HR: variants seen among roughly 807,000 people sequenced by gnomAD.
HR encodes the protein lysine-specific demethylase hairless.
In HR, 83 loss-of-function variants were observed where a neutral mutation model predicts 128.6. The observed-to-expected ratio is 0.65, with a 90% CI of 0.54 to 0.77. The LOEUF is 0.77. Ranked by LOEUF, HR falls within the 30% of genes least tolerant of loss-of-function variation. The probability of loss-of-function intolerance (pLI) is 0.00; values close to 1 mark genes in which losing one functional copy is unlikely to be tolerated. For synonymous variants in HR, 681 were observed against 658.2 expected, an observed-to-expected ratio of 1.03 and a Z score of -0.53; for missense variants, 1,490 against 1,574.6, an observed-to-expected ratio of 0.95 and a Z score of 0.91.
rs758102202 is a variant in HR, at chr8:22,127,217, G to T, written c.1225C>A (p.Arg409=). The change falls in exon 3 of 19, where the codon CGG becomes AGG. Residue 409 remains arginine (R), a synonymous_variant. Coordinates refer to ENST00000381418, the MANE Select transcript of HR (RefSeq NM_005144.5). ...GGGCTGCCTGCCCTTTTGAGGGCCC[G>T]GAGCCGAGCAACCGGCCTCTCCTCG... ...EVEERPVARL[R]ALKRAGSPEV... is the part of the protein sequence containing the mutation. 1 of 1,613,028 alleles carries T rather than the reference G, an allele frequency of 6.2e-7. No homozygotes were observed. Among genetic ancestry groups the T allele is most frequent in the Non-Finnish European group, 8.5e-7 (1 of 1,180,014 alleles).
chr8:22,119,340 T>G (rs1826675063), intron 14 of HR, 57 bp from the exon 15 acceptor site: 4 of 1,608,090 alleles, frequency 2.5e-6, no homozygotes, highest in African/African-American at 1.3e-5. Flanking sequence ...CAGGCGCGGT[T>G]GCTCACGCCT....
Position 22,127,796 on chromosome 8 carries a change from A to C in HR, c.646T>G (p.Leu216Val), listed in dbSNP as rs540366674. 23 of 1,599,084 alleles carry C rather than the reference A, an allele frequency of 1.4e-5. No homozygotes were observed. The African/African-American group carries it at 1.6e-4, about 11-fold the overall frequency. ...FYYKDPSIPR[L>V]AKEPLAAAEP... ...GCAGCTGCCAAGGGCTCCTTTGCCA[A>C]CCTGGGAATGCTCGGATCCTTGTAG... Residue 216 changes from leucine to valine, a missense_variant, in exon 3 of 19, where the codon TTG (leucine) becomes GTG (valine). Around this residue, in one of 3 missense-constraint regions of HR, gnomAD observed 1,060 missense variants for 1,060.9 expected, o/e 1.00. Transcript: ENST00000381418.
rs774816602 is a variant in HR at position 22,119,008 on chromosome 8, G to A, written c.3155C>T (p.Thr1052Ile). The change falls in exon 16 of 19, where the codon ACT (threonine) becomes ATT (isoleucine). Residue 1052 changes from threonine to isoleucine, a missense_variant. Around this residue, in one of 3 missense-constraint regions of HR, gnomAD observed 423 missense variants for 495.9 expected, o/e 0.85. Transcript: ENST00000381418. ...CTGTGCCCGGAACACGTGCCACACAGTGCTGACCTGGCTGCCCGGAGACCA... is the reference window on the plus strand; with the variant it reads ...CTGTGCCCGGAACACGTGCCACACAATGCTGACCTGGCTGCCCGGAGACCA... ...GLWSPGSQVS[T>I]VWHVFRAQDA... 2.5e-6 allele frequency: 4 copies of A among 1,613,124 alleles called. No homozygotes were observed. The highest frequency in any genetic ancestry group is 3.4e-6 in the Non-Finnish European group (4 of 1,180,008).
chr8:22,122,446 C>T lies in HR; in HGVS notation c.2121+47G>A, dbSNP rs368441831. On this transcript the variant is annotated intron_variant, in intron 8 of 18. Coordinates refer to ENST00000381418, the MANE Select transcript of HR (RefSeq NM_005144.5). ...GGGGCCAAACCCCTGCAAAGGTCAG[C>T]CATTTGCAGGCACGATACCCAACCG... The T allele has an allele frequency of 7.3e-6, 10 of 1,379,198 alleles. No individual in the cohort carries two copies. In the African/African-American group the frequency reaches 1.4e-4, roughly 20 times the overall value. 85.4% of individuals were successfully genotyped at this position (1,379,198 alleles called of 1,614,324 possible).
rs768583900 is a variant in HR, at chr8:22,127,155, C to T, written c.1287G>A (p.Lys429=). The change falls in exon 3 of 19, where the codon AAG becomes AAA. Residue 429 remains lysine (K), a synonymous_variant. Transcript: ENST00000381418. ...TGCCTGGAAAAGGGTCCGGTGGCCG[C>T]TTGGGGGCTGGACTGCCCATTGCTC... ...VQGAMGSPAP[K]RPPDPFPGTA... 2 of 1,612,452 alleles carry T rather than the reference C, an allele frequency of 1.2e-6. No homozygotes were observed. Among genetic ancestry groups the T allele is most frequent in the Admixed American group, 1.7e-5 (1 of 59,996 alleles).
Position 22,123,649 on chromosome 8 carries a change from C to G in HR, c.1915G>C (p.Gly639Arg), listed in dbSNP as rs901876332. ...CTCCCACCCCCAGCCCCTCTCCTAC[C>G]TGCTTTCTCCCTGGCCCGCCCAGTG... ...AGTGRAREKA[G>R]FQEQSAEECT... The change falls in exon 6 of 19, where the codon GGC (glycine) becomes CGC (arginine). Residue 639 changes from glycine (G) to arginine (R), a missense_variant and splice_region_variant. By Grantham distance (125) the Gly-to-Arg change is moderately radical (BLOSUM62 -2). This residue lies in a region of HR where 1,060 missense variants were observed against 1,060.9 expected (regional missense o/e 1.00). Coordinates refer to ENST00000381418, the MANE Select transcript of HR (RefSeq NM_005144.5). 7 of 1,466,462 alleles carry G rather than the reference C, an allele frequency of 4.8e-6. No homozygotes were observed. The African/African-American group carries it at 9.9e-5, about 21-fold the overall frequency. 90.8% of individuals were successfully genotyped at this position (1,466,462 alleles called of 1,614,324 possible). A position where few individuals can be genotyped will look rare whatever the true frequency, so the allele number is the denominator to read the frequency against.
rs1247582384 is a variant in HR, at chr8:22,121,131, G to A, written c.2301C>T (p.Val767=). Residue 767 remains valine, a synonymous_variant, in exon 10 of 19, where the codon GTC becomes GTT. Transcript: ENST00000381418. The part of the protein sequence containing the change: ...SLCELLASTA[V]KLCLGHERIH... The stretch of plus-strand genomic sequence containing the variant: ...TTCGCTCATGGCCCAAGCAGAGTTT[G>A]ACCGCGGTAGAAGCCAGCAGTTCGC... 6.2e-7 allele frequency: 1 copy of A among 1,613,930 alleles called. No homozygotes were observed. The highest frequency in any genetic ancestry group is 1.7e-5 in the Admixed American group (1 of 60,034).
intron 13 of HR, 84 bp downstream of exon 13, chr8:22,120,020 G>T (rs1826695301): frequency 1.3e-6 from 2 of 1,566,698 alleles, no homozygotes. Flanking sequence ...GGTGGGGGTT[G>T]GGGGCAGAGG....
Position 22,127,462 on chromosome 8 carries a change from C to T in HR, c.980G>A (p.Cys327Tyr). The change falls in exon 3 of 19, where the codon TGT becomes TAT. Residue 327 changes from cysteine to tyrosine, a missense_variant. Cys to Tyr is a radical substitution (Grantham distance 194). Transcript: ENST00000381418. ...ACCTTTAGTGGGTGGGTAGGATGAA[C>T]AGCAGCCCCGCTGGGTGACAGGCGG... The part of the protein sequence containing the change: ...PEPPVTQRGC[C>Y]SSYPPTKGGG... The T allele has an allele frequency of 1.9e-6, 3 of 1,610,888 alleles. No homozygotes were observed. The highest frequency in any genetic ancestry group is 1.7e-6 in the Non-Finnish European group (2 of 1,178,042).
At position 22,127,286 on chromosome 8, in the gene HR, G is replaced by A. The variant is rs749719380; in HGVS notation, c.1156C>T (p.Arg386Trp). 10 of 1,613,174 alleles carry A rather than the reference G, an allele frequency of 6.2e-6. No individual in the cohort carries two copies. Among genetic ancestry groups the A allele is most frequent in the South Asian group, 3.3e-5 (3 of 91,084 alleles). The part of the protein sequence containing the change: ...HTKLKKTWLT[R>W]HSEQFECPRG... Reference sequence around the variant, plus strand: ...GGACATTCAAACTGCTCCGAGTGCCGTGTGAGCCATGTCTTCTTCAGCTTG... The same window carrying A: ...GGACATTCAAACTGCTCCGAGTGCCATGTGAGCCATGTCTTCTTCAGCTTG... Residue 386 changes from arginine (R) to tryptophan (W), a missense_variant, in exon 3 of 19, where the codon CGG (arginine) becomes TGG (tryptophan). By Grantham distance (101) the Arg-to-Trp change is moderately radical. Around this residue, in one of 3 missense-constraint regions of HR, gnomAD observed 1,060 missense variants for 1,060.9 expected, o/e 1.00. Transcript: ENST00000381418.
At position 22,120,123 on chromosome 8, in the gene HR, C is replaced by A; in HGVS notation, c.2827G>T (p.Gly943Trp). 1 of 1,591,148 alleles carries A rather than the reference C, an allele frequency of 6.3e-7. No individual in the cohort carries two copies. Residue 943 changes from glycine to tryptophan, a missense_variant, in exon 13 of 19, where the codon GGG becomes TGG. By Grantham distance (184) the Gly-to-Trp change is radical (BLOSUM62 -2). Transcript: ENST00000381418. The stretch of plus-strand genomic sequence containing the variant: ...ACACACCTGCTGGTGTCCTCATCCC[C>A]CAAAGCTCGGTGCAGCAGGAGGACA... Reference protein sequence around the residue: ...GSVLLLHRALGDEDTSRVENL... With the variant: ...GSVLLLHRALWDEDTSRVENL...
intron 14 of HR, 109 bp downstream of exon 14, chr8:22,119,651 A>T: frequency 7.8e-7 from 1 of 1,281,784 alleles, no homozygotes; most frequent in Non-Finnish European, 1.1e-6. Context: ...AAATGGAATC[A>T]GAGAAGCGCT....
At chr8:22,121,503 G>A in intron 9 of HR, 110 bp downstream of exon 9, 3 of 1,119,236 alleles carry the variant, frequency 2.7e-6, no homozygotes, top group South Asian at 1.2e-5. Flanking sequence ...TATTGGGGGT[G>A]GGGGGGAGTT....
rs974850963 is a variant in HR at position 22,122,848 on chromosome 8, C to A, written c.1947G>T (p.Thr649=). The A allele has an allele frequency of 1.9e-6, 3 of 1,555,682 alleles. No homozygotes were observed. ...AACAGGCAGCGTGCCCGGCCTCCTG[C>A]GTGCACTCCTCCGCGGACTGCTCCT... The part of the protein sequence containing the change: ...GFQEQSAEEC[T]QEAGHAACSL... Residue 649 remains threonine, a synonymous_variant, in exon 7 of 19, where the codon ACG becomes ACT. Transcript: ENST00000381418.
At chr8:22,127,936 C>T in intron 2 of HR, 107 bp from the exon 3 acceptor site, 1 of 1,145,592 alleles carries the variant, frequency 8.7e-7, no homozygotes, top group South Asian at 1.2e-5. Context: ...CTGAAGCCCT[C>T]ACATTCTGAT....
intron 3 of HR, among the ~76,000 whole-genome samples, chr8:22,126,330 G>A (rs1388065074): frequency 2.0e-5 from 3 of 152,218 alleles, no homozygotes; most frequent in Non-Finnish European, 4.4e-5. Flanking sequence ...TGAAAAAACC[G>A]AAGTGATCCC....
chr8:22,119,739 C>A (rs1186536856), intron 14 of HR, 21 bp downstream of exon 14: 1 of 1,594,788 alleles, frequency 6.3e-7, no homozygotes. Flanking sequence ...AGAGACTGGG[C>A]AGGAGTGGAG....
At chr8:22,126,674 C>T (rs935303820) in intron 3 of HR, among the ~76,000 whole-genome samples, 34 of 152,198 alleles carry the variant, frequency 2.2e-4, no homozygotes, top group African/African-American at 7.7e-4. Context: ...CCGTCTTCTT[C>T]CCCATTTTAT....
rs763667692 is a variant in HR at position 22,123,755 on chromosome 8, G to A, written c.1809C>T (p.Cys603=). The change falls in exon 6 of 19, where the codon TGC becomes TGT. Residue 603 remains cysteine, a synonymous_variant. Transcript: ENST00000381418. ...SPGIPRCCSR[C]HHGLFNTHWR... ...AGTGGGTGTTGAAGAGTCCATGGTG[G>A]CAACGGCTGCAGCAGCGTGGAATGC... is the stretch of plus-strand genomic sequence containing the variant. The A allele has an allele frequency of 1.2e-6, 2 of 1,600,426 alleles. No homozygotes were observed. Among genetic ancestry groups the A allele is most frequent in the South Asian group, 1.1e-5 (1 of 89,290 alleles).
Sources: allele counts gnomAD v4.1 joint callset (sites outside exome capture counted in the v4.1 genomes callset), GRCh38; gene constraint gnomAD v4.1.1; regional missense constraint gnomAD v4.1.1; transcripts MANE v1.5; gene names NCBI Gene and HGNC (gene_info 2026-07-23, HGNC 2026-07-21).